Variants in CDC27 observed in about 807,000 individuals in gnomAD.
The protein encoded by CDC27 is cell division cycle protein 27 homolog.
In CDC27, 27 loss-of-function variants were observed where a neutral mutation model predicts 109.7. That is an observed-to-expected ratio of 0.25 (90% CI 0.18 to 0.34). CDC27 has a LOEUF of 0.34. CDC27 is among the 10% of genes least tolerant of loss of function. CDC27 has a pLI of 1.00. For missense variants in CDC27, 579 were observed against 960.2 expected, an observed-to-expected ratio of 0.60 and a Z score of 5.25; for synonymous variants, 266 against 333.9, an observed-to-expected ratio of 0.80 and a Z score of 2.22.
chr17:47,181,797 C>A (rs2064251041), intron 1 of CDC27, among the ~76,000 whole-genome samples, 160 bp from the exon 2 acceptor site: 1 of 152,186 alleles, frequency 6.6e-6, no homozygotes, highest in African/African-American at 2.4e-5. Context: ...CCGGGCAAGG[C>A]TCTTCACAGT....
Position 47,120,609 on chromosome 17 carries a change from T to G in CDC27, c.*326A>C, listed in dbSNP as rs570612147. 1.5e-4 allele frequency: 29 copies of G among 196,866 alleles called. No homozygotes were observed. The highest frequency in any genetic ancestry group is 2.8e-4 in the Non-Finnish European group (27 of 96,864). 12.2% of individuals were successfully genotyped at this position (196,866 alleles called of 1,614,324 possible). ...GTTCATCACTATTTTCCATATCTAATGGTTCCTTCAAGATAAAGCATAACT... is the reference window on the plus strand; with the variant it reads ...GTTCATCACTATTTTCCATATCTAAGGGTTCCTTCAAGATAAAGCATAACT... On this transcript the variant is annotated 3_prime_UTR_variant, in exon 19 of 19. Coordinates refer to ENST00000066544, the MANE Select transcript of CDC27 (RefSeq NM_001256.6).
At chr17:47,172,639 C>T (rs566744943) in intron 2 of CDC27, among the ~76,000 whole-genome samples, 1 of 152,260 alleles carries the variant, frequency 6.6e-6, no homozygotes, top group Non-Finnish European at 1.5e-5. Context: ...ACTATAGTAA[C>T]AATAATTAAA....
At chr17:47,188,758 C>G in intron 1 of CDC27, 1 of 1,052,968 alleles carries the variant, frequency 9.5e-7, no homozygotes. Flanking sequence ...TCACGAAGAT[C>G]ACACAAGCTC....
At chr17:47,121,303 C>A (rs1423535433) in intron 18 of CDC27, among the ~76,000 whole-genome samples, 1 of 151,940 alleles carries the variant, frequency 6.6e-6, no homozygotes, top group Non-Finnish European at 1.5e-5. Flanking sequence ...AGCTAGTTCT[C>A]TGAGACATTA....
At chr17:47,140,742 A>G (rs1250155394) in intron 12 of CDC27, among the ~76,000 whole-genome samples, 1 of 152,220 alleles carries the variant, frequency 6.6e-6, no homozygotes, top group Non-Finnish European at 1.5e-5. Flanking sequence ...ACATACCAGT[A>G]AAGGACCATA....
chr17:47,160,001 CT>C (rs766302829), intron 4 of CDC27: 10,102 of 191,194 alleles, frequency 0.053, no homozygotes, highest in South Asian at 0.13. Flanking sequence ...ACCTCTGCTT[CT>C]TTTTTTTTTT....
chr17:47,140,441 G>C (rs1481556636), intron 12 of CDC27, among the ~76,000 whole-genome samples: 9 of 152,116 alleles, frequency 5.9e-5, no homozygotes. Flanking sequence ...ATGGTAACAA[G>C]ATAAAAGACC....
intron 16 of CDC27, among the ~76,000 whole-genome samples, chr17:47,125,439 G>A (rs958234463): frequency 6.7e-6 from 1 of 149,070 alleles, no homozygotes; most frequent in Non-Finnish European, 1.5e-5. Context: ...TAGACACGCG[G>A]TTTCACCATA....
chr17:47,124,537 G>C (rs992078325), intron 16 of CDC27, among the ~76,000 whole-genome samples: 1 of 152,148 alleles, frequency 6.6e-6, no homozygotes, highest in Non-Finnish European at 1.5e-5. Context: ...GCCCGCCTCA[G>C]CCTACCAAAG....
Position 47,122,465 on chromosome 17 carries a change from T to C in CDC27, c.2371A>G (p.Ile791Val), listed in dbSNP as rs1373168938. ...TTACTGATCTGTTCTTCTTGGGTTA[T>C]TGGCTCCTCATCATCTGGAAGATAA... is the stretch of plus-strand genomic sequence containing the variant. The part of the protein sequence containing the change: ...KRYLPDDEEP[I>V]TQEEQIMGTD... Residue 791 changes from isoleucine (I) to valine (V), a missense_variant, in exon 18 of 19, where the codon ATA (isoleucine) becomes GTA (valine). By Grantham distance (29) the Ile-to-Val change is conservative. This residue lies in a region of CDC27 where 227 missense variants were observed against 363.6 expected (regional missense o/e 0.62). Coordinates refer to ENST00000066544, the MANE Select transcript of CDC27 (RefSeq NM_001256.6). The C allele has an allele frequency of 1.9e-6, 3 of 1,605,316 alleles. No individual in the cohort carries two copies. Among genetic ancestry groups the C allele is most frequent in the Non-Finnish European group, 1.7e-6 (2 of 1,175,482 alleles).
chr17:47,176,973 G>A (rs563896078), intron 2 of CDC27, among the ~76,000 whole-genome samples: 2 of 152,128 alleles, frequency 1.3e-5, no homozygotes, highest in Non-Finnish European at 2.9e-5. Context: ...TGGGCTCTCA[G>A]TATCCTGGTT....
Position 47,151,896 on chromosome 17 carries a change from G to T in CDC27, c.980C>A (p.Thr327Asn). Residue 327 changes from threonine to asparagine, a missense_variant, in exon 9 of 19, where the codon ACT becomes AAT. Physicochemically the swap from Thr to Asn is moderately conservative, Grantham distance 65. Around this residue, in one of 9 missense-constraint regions of CDC27, gnomAD observed 74 missense variants for 148.9 expected, o/e 0.50. Transcript: ENST00000066544. ...CTGTGAGAAGACAGACTTTGTTCCAGTTTGGCCGATTCTGGCAACAGACTG... is the reference window on the plus strand; with the variant it reads ...CTGTGAGAAGACAGACTTTGTTCCATTTTGGCCGATTCTGGCAACAGACTG... ...SKKSVARIGQ[T>N]GTKSVFSQSG... The T allele has an allele frequency of 1.2e-6, 2 of 1,606,410 alleles. No individual in the cohort carries two copies. The highest frequency in any genetic ancestry group is 1.7e-6 in the Non-Finnish European group (2 of 1,176,558).
intron 4 of CDC27, among the ~76,000 whole-genome samples, chr17:47,163,168 C>G (rs1456309504): frequency 6.6e-6 from 1 of 152,098 alleles, no homozygotes; most frequent in East Asian, 1.9e-4. Context: ...AGGAATCAGA[C>G]TTAGTATCAG....
chr17:47,127,933 G>A (rs576358106), intron 16 of CDC27, among the ~76,000 whole-genome samples: 38 of 150,888 alleles, frequency 2.5e-4, no homozygotes, highest in Non-Finnish European at 4.7e-4. Flanking sequence ...CTCAAGTTCC[G>A]TGGACTCATG....
intron 2 of CDC27, 65 bp from the exon 3 acceptor site, chr17:47,172,129 GCAATAAACAA>G: frequency 9.3e-7 from 1 of 1,071,950 alleles, no homozygotes; most frequent in Non-Finnish European, 1.3e-6. Flanking sequence ...AGTTTATCAT[GCAATAAACAA>G]GTTTAGCAAA....
At chr17:47,135,324 A>G (rs141037843) in intron 14 of CDC27, among the ~76,000 whole-genome samples, 1 of 152,278 alleles carries the variant, frequency 6.6e-6, no homozygotes, top group Non-Finnish European at 1.5e-5. Flanking sequence ...GTTAATATGC[A>G]GGTATTTCTC....
At chr17:47,124,255 TCATCTATC>T (rs2062065990) in intron 16 of CDC27, among the ~76,000 whole-genome samples, 2 of 62,930 alleles carry the variant, frequency 3.2e-5, no homozygotes, top group African/African-American at 1.0e-4. Flanking sequence ...TTGCTTTTGG[TCATCTATC>T]TATCTATCTA....
At chr17:47,168,535 CTG>C (rs1249300705) in intron 4 of CDC27, among the ~76,000 whole-genome samples, 2 of 152,084 alleles carry the variant, frequency 1.3e-5, no homozygotes. Context: ...CCAAGTATGA[CTG>C]TGAGTTATTT....
intron 1 of CDC27, among the ~76,000 whole-genome samples, chr17:47,183,796 C>T (rs1040873987): frequency 2.0e-5 from 3 of 152,118 alleles, no homozygotes; most frequent in African/African-American, 7.2e-5. Context: ...AAAGCAGGTG[C>T]TTATATGTTG....
Sources: allele counts gnomAD v4.1 joint callset (sites outside exome capture counted in the v4.1 genomes callset), GRCh38; gene constraint gnomAD v4.1.1; regional missense constraint gnomAD v4.1.1; transcripts MANE v1.5; gene names NCBI Gene and HGNC (gene_info 2026-07-23, HGNC 2026-07-21).